TAX1BP3: variants seen among roughly 807,000 people sequenced by gnomAD.
TAX1BP3 encodes the protein tax1-binding protein 3.
In TAX1BP3, 13 loss-of-function variants were observed where a neutral mutation model predicts 15.3. That is an observed-to-expected ratio of 0.85 (90% CI 0.55 to 1.35). The LOEUF is 1.35. Ranked by LOEUF, TAX1BP3 falls within the 40% of genes most tolerant of loss-of-function variation. The pLI is 0.00. For synonymous variants in TAX1BP3, 70 were observed against 66.0 expected (o/e 1.06, Z -0.30); for missense variants, 147 against 169.6 (o/e 0.87, Z 0.74).
intron 3 of TAX1BP3, 31 bp from the exon 4 acceptor site, chr17:3,663,916 C>T (rs772204841): frequency 1.9e-6 from 3 of 1,591,760 alleles, no homozygotes; most frequent in Non-Finnish European, 1.7e-6. Flanking sequence ...AGGCTCACCT[C>T]AGCTCCCCGC....
In TAX1BP3 at chr17:3,664,212, CA is replaced by C; in HGVS notation, c.219del (p.Ile73MetfsTer8). On this transcript the variant is annotated frameshift_variant, in exon 3 of 4. Coordinates refer to ENST00000225525, the MANE Select transcript of TAX1BP3 (RefSeq NM_014604.4). LOFTEE classifies it high-confidence loss of function. The stretch of plus-strand genomic sequence containing the variant: ...CCTGTTACCTGCATGATCTTGTCTC[CA>C]ATCTGCAGCCCAGCGATTTCAGCAG... The part of the protein sequence containing the change: ...GGPAEIAGLQ[I>X]GDKIMQVNGW... 6.2e-7 allele frequency: 1 copy of C among 1,614,118 alleles called. No homozygotes were observed. Among genetic ancestry groups the C allele is most frequent in the Non-Finnish European group, 8.5e-7 (1 of 1,180,026 alleles).
chr17:3,665,703 T>C, intron 1 of TAX1BP3: 3 of 639,010 alleles, frequency 4.7e-6, no homozygotes, highest in Non-Finnish European at 8.2e-6. Flanking sequence ...CATGGCATAA[T>C]AGGTGTTAAA....
intron 2 of TAX1BP3, 192 bp downstream of exon 2, chr17:3,664,487 C>G: frequency 1.0e-6 from 1 of 967,488 alleles, no homozygotes; most frequent in Admixed American, 2.1e-5. Flanking sequence ...CCTGCTCCTC[C>G]TGGGCTCTGT....
At chr17:3,665,258 T>G in intron 1 of TAX1BP3, 1 of 1,375,628 alleles carries the variant, frequency 7.3e-7, no homozygotes, top group South Asian at 1.2e-5. Flanking sequence ...GCACCGGATA[T>G]ATGTTCTCTA....
At chr17:3,664,834 G>A in intron 1 of TAX1BP3, 36 bp from the exon 2 acceptor site, 1 of 1,603,464 alleles carries the variant, frequency 6.2e-7, no homozygotes, top group Non-Finnish European at 8.5e-7. Flanking sequence ...AGAAGTGGGT[G>A]GTTGGAGAAT....
At chr17:3,664,993 T>C (rs1283586622) in intron 1 of TAX1BP3, among the ~76,000 whole-genome samples, 195 bp from the exon 2 acceptor site, 2 of 152,180 alleles carry the variant, frequency 1.3e-5, no homozygotes, top group Non-Finnish European at 2.9e-5. Context: ...CACACAGCCC[T>C]GTGTCCTCAA....
In TAX1BP3 at chr17:3,663,678, G is replaced by A. The variant is rs1218140300; in HGVS notation, c.*70C>T. The A allele has an allele frequency of 1.3e-6, 2 of 1,540,826 alleles. No individual in the cohort carries two copies. Among genetic ancestry groups the A allele is most frequent in the African/African-American group, 1.3e-5 (1 of 74,240 alleles). The stretch of plus-strand genomic sequence containing the variant: ...CCCAGCGGTCAGCAGAAGCCAGATG[G>A]GGACAGAGTGTGGAAGTGGCGTTAC... On this transcript the variant is annotated 3_prime_UTR_variant, in exon 4 of 4. Transcript: ENST00000225525.
rs756775442 is a variant in TAX1BP3, at chr17:3,663,354, G to A, written c.*394C>T. ...AGGGCTGGGGGGCAGGGGCGGAGCC[G>A]AACCCTGCAGCCAGGCAAAAGCGGG... On this transcript the variant is annotated 3_prime_UTR_variant, in exon 4 of 4. Coordinates refer to ENST00000225525, the MANE Select transcript of TAX1BP3 (RefSeq NM_014604.4). The A allele has an allele frequency of 1.9e-4, 32 of 169,652 alleles. No individual in the cohort carries two copies. Among genetic ancestry groups the A allele is most frequent in the Non-Finnish European group, 2.8e-4 (22 of 79,626 alleles). The allele number at this position is 169,652 out of a possible 1,614,324, so 10.5% of individuals were successfully genotyped here. A position where few individuals can be genotyped will look rare whatever the true frequency, so the allele number is the denominator to read the frequency against.
chr17:3,664,302 G>A (rs761516795), intron 2 of TAX1BP3, 30 bp from the exon 3 acceptor site: 2 of 1,613,188 alleles, frequency 1.2e-6, no homozygotes, highest in South Asian at 2.2e-5. Flanking sequence ...GTCAAGCCCT[G>A]TGGTCACTGG....
intron 1 of TAX1BP3, among the ~76,000 whole-genome samples, chr17:3,666,138 G>C (rs1414928392): frequency 1.3e-5 from 2 of 152,204 alleles, no homozygotes; most frequent in African/African-American, 4.8e-5. Flanking sequence ...TAACAGGAAG[G>C]AGAAAAGAAA....
chr17:3,664,036 G>A, intron 3 of TAX1BP3, 151 bp from the exon 4 acceptor site: 1 of 1,441,928 alleles, frequency 6.9e-7, no homozygotes, highest in Non-Finnish European at 9.4e-7. Context: ...GAGACACACA[G>A]GAGAGAAAGC....
rs2076335347 is a variant in TAX1BP3, at chr17:3,665,810, G to A, written c.40-1012C>T. ...GCCGGCCACGGGGACCAGCGCACAG[G>A]GTGCCGTGGATACGTGTTCGTGAGA... On this transcript the variant is annotated intron_variant, in intron 1 of 3. Transcript: ENST00000225525. 47 of 635,832 alleles carry A rather than the reference G, an allele frequency of 7.4e-5. 1 individual carries two copies. The South Asian group carries it at 8.4e-4, about 11-fold the overall frequency. 39.4% of individuals were successfully genotyped at this position (635,832 alleles called of 1,614,324 possible).
chr17:3,663,682 C>T lies in TAX1BP3; in HGVS notation c.*66G>A. 6.5e-7 allele frequency: 1 copy of T among 1,545,686 alleles called. No homozygotes were observed. On this transcript the variant is annotated 3_prime_UTR_variant, in exon 4 of 4. Coordinates refer to ENST00000225525, the MANE Select transcript of TAX1BP3 (RefSeq NM_014604.4). ...GCGGTCAGCAGAAGCCAGATGGGGA[C>T]AGAGTGTGGAAGTGGCGTTACTGTA...
Position 3,663,972 on chromosome 17 carries a change from A to G in TAX1BP3, c.238-87T>C. The G allele has an allele frequency of 5.2e-6, 8 of 1,534,700 alleles. No homozygotes were observed. In the South Asian group the frequency reaches 9.6e-5, roughly 18 times the overall value. ...AGGGCTTTGGGGGCCCAGGTCATTC[A>G]AGTAGGCCCCCAGCCTAACATCCCA... On this transcript the variant is annotated intron_variant, in intron 3 of 3. Coordinates refer to ENST00000225525, the MANE Select transcript of TAX1BP3 (RefSeq NM_014604.4).
chr17:3,663,626 A>G lies in TAX1BP3; in HGVS notation c.*122T>C. ...AGGAAGGCCAGGCCAGGCCTCTGGGACCAGCTATAGCCCTTCTGAGCTGGG... is the reference window on the plus strand; with the variant it reads ...AGGAAGGCCAGGCCAGGCCTCTGGGGCCAGCTATAGCCCTTCTGAGCTGGG... On this transcript the variant is annotated 3_prime_UTR_variant, in exon 4 of 4. Transcript: ENST00000225525. 1 of 1,387,886 alleles carries G rather than the reference A, an allele frequency of 7.2e-7. No homozygotes were observed. The allele number at this position is 1,387,886 out of a possible 1,614,324, so 86.0% of individuals were successfully genotyped here.
At chr17:3,666,005 G>A (rs397546) in intron 1 of TAX1BP3, among the ~76,000 whole-genome samples, 1 of 152,102 alleles carries the variant, frequency 6.6e-6, no homozygotes, top group Non-Finnish European at 1.5e-5. Context: ...GCTCTGGGGT[G>A]TTCCCACCAT....
At chr17:3,664,383 C>A in intron 2 of TAX1BP3, 111 bp from the exon 3 acceptor site, 1 of 1,277,216 alleles carries the variant, frequency 7.8e-7, no homozygotes, top group South Asian at 1.2e-5. Flanking sequence ...CTGCACCCAG[C>A]CTCTCCCAGC....
At chr17:3,664,996 G>A (rs2076323216) in intron 1 of TAX1BP3, among the ~76,000 whole-genome samples, 198 bp from the exon 2 acceptor site, 1 of 152,172 alleles carries the variant, frequency 6.6e-6, no homozygotes, top group African/African-American at 2.4e-5. Context: ...ACAGCCCTGT[G>A]TCCTCAACCT....
At chr17:3,664,883 T>C in intron 1 of TAX1BP3, 85 bp from the exon 2 acceptor site, 12 of 1,546,050 alleles carry the variant, frequency 7.8e-6, no homozygotes, top group Non-Finnish European at 9.6e-6. Context: ...CTCAGAGCCA[T>C]GACAAGGGGC....
Sources: allele counts gnomAD v4.1 joint callset (sites outside exome capture counted in the v4.1 genomes callset), GRCh38; gene constraint gnomAD v4.1.1; transcripts MANE v1.5; gene names NCBI Gene and HGNC (gene_info 2026-07-23, HGNC 2026-07-21).